The following CLSTN3 variants were observed in gnomAD, a reference collection of about 807,000 sequenced individuals.
CLSTN3 encodes calsyntenin-3.
In CLSTN3, 36 loss-of-function variants were observed where a neutral mutation model predicts 95.9. The ratio of observed to expected loss-of-function variants is 0.38; its 90% CI spans 0.29 to 0.50. The LOEUF is 0.50. Ranked by LOEUF, CLSTN3 falls within the 20% of genes least tolerant of loss-of-function variation. The pLI, the probability that CLSTN3 is intolerant of heterozygous loss-of-function variation, is 0.95. For synonymous variants in CLSTN3, 481 were observed against 504.0 expected (o/e 0.95, Z 0.61); for missense variants, 1,084 against 1,268.8 (o/e 0.85, Z 2.21).
In CLSTN3 at chr12:7,143,777, G is replaced by A. The variant is rs1180183592; in HGVS notation, c.1847+466G>A. Among the ~76,000 whole-genome samples, 5 of 152,158 alleles carry A rather than the reference G, an allele frequency of 3.3e-5. No individual in the cohort carries two copies. The East Asian group carries it at 5.8e-4, about 18-fold the overall frequency. ...CTAAGTCTGGGGGTTGGCAGTCCTAGGCCAAATCTGGCCTGCCCACCTGTT... is the reference window on the plus strand; with the variant it reads ...CTAAGTCTGGGGGTTGGCAGTCCTAAGCCAAATCTGGCCTGCCCACCTGTT... On this transcript the variant is annotated intron_variant, in intron 12 of 17. Coordinates refer to ENST00000266546, the MANE Select transcript of CLSTN3 (RefSeq NM_014718.4).
At chr12:7,144,025 A>C (rs919181295) in intron 12 of CLSTN3, among the ~76,000 whole-genome samples, 5 of 152,124 alleles carry the variant, frequency 3.3e-5, no homozygotes, top group Non-Finnish European at 5.9e-5. Flanking sequence ...CGAGGAGTTC[A>C]AGACCAGCCT....
At chr12:7,142,261 A>G in intron 10 of CLSTN3, 122 bp downstream of exon 10, 6 of 787,030 alleles carry the variant, frequency 7.6e-6, no homozygotes, top group Non-Finnish European at 1.0e-5. Context: ...CAGGGGGCAG[A>G]GCCTCCAAGA....
chr12:7,142,904 T>C lies in CLSTN3; in HGVS notation c.1576T>C (p.Tyr526His). 1.2e-6 allele frequency: 2 copies of C among 1,614,150 alleles called. No individual in the cohort carries two copies. Among genetic ancestry groups the C allele is most frequent in the South Asian group, 2.2e-5 (2 of 91,086 alleles). ...PLSIHHYFHG[Y>H]LAGFSVRSGR... is the part of the protein sequence containing the mutation. ...GTCGATCCACCACTACTTCCATGGC[T>C]ACCTGGCTGGTTTCAGCGTGCGCTC... Residue 526 changes from tyrosine (Y) to histidine (H), a missense_variant, in exon 11 of 18, where the codon TAC (tyrosine) becomes CAC (histidine). Coordinates refer to ENST00000266546, the MANE Select transcript of CLSTN3 (RefSeq NM_014718.4).
Position 7,133,534 on chromosome 12 carries a change from A to G in CLSTN3, c.188-39A>G. 1 of 1,601,190 alleles carries G rather than the reference A, an allele frequency of 6.2e-7. No individual in the cohort carries two copies. Among genetic ancestry groups the G allele is most frequent in the South Asian group, 1.1e-5 (1 of 90,696 alleles). ...GGGGAGACTGAGGGTGGGGAAGGAGACACAGCAGCCTCACTCCTCCCCTTC... is the reference window on the plus strand; with the variant it reads ...GGGGAGACTGAGGGTGGGGAAGGAGGCACAGCAGCCTCACTCCTCCCCTTC... On this transcript the variant is annotated intron_variant, in intron 2 of 17. Coordinates refer to ENST00000266546, the MANE Select transcript of CLSTN3 (RefSeq NM_014718.4). The surrounding 1 kb of genome is among the most constrained non-coding windows in gnomAD (Gnocchi z 4.7).
At chr12:7,130,309 C>CA (rs1448148255), upstream of CLSTN3, 5 of 914,252 alleles carry the variant, frequency 5.5e-6, no homozygotes, top group East Asian at 5.0e-5. Flanking sequence ...CTGGTCCCCC[C>CA]CCCTCCCAGT....
intron 12 of CLSTN3, among the ~76,000 whole-genome samples, chr12:7,145,517 T>G (rs1939609465): frequency 6.6e-6 from 1 of 152,212 alleles, no homozygotes; most frequent in Non-Finnish European, 1.5e-5. Flanking sequence ...AAAGCCAGAT[T>G]TATGCAACTA....
intron 8 of CLSTN3, chr12:7,138,811 G>A (rs1939475397): frequency 7.0e-6 from 1 of 143,384 alleles, no homozygotes; most frequent in Admixed American, 7.1e-5. Context: ...CTGGTGGAGT[G>A]GCTGAGTAAG....
intron 1 of CLSTN3, among the ~76,000 whole-genome samples, chr12:7,131,564 C>G (rs755956681): frequency 6.6e-6 from 1 of 152,006 alleles, no homozygotes; most frequent in African/African-American, 2.4e-5. Flanking sequence ...CAAGGAGGAG[C>G]CCGGGAGCCT....
Position 7,143,224 on chromosome 12 carries a change from A to C in CLSTN3, c.1760A>C (p.Asn587Thr), listed in dbSNP as rs369881117. ...GAGGGGGATGATGTGGAGACCTTCAACCATGCCCTGCAGCATGTGGCTTAC... is the reference window on the plus strand; with the variant it reads ...GAGGGGGATGATGTGGAGACCTTCACCCATGCCCTGCAGCATGTGGCTTAC... ...TLEGDDVETF[N>T]HALQHVAYMN... The change falls in exon 12 of 18, where the codon AAC (asparagine) becomes ACC (threonine). Residue 587 changes from asparagine (N) to threonine (T), a missense_variant. Transcript: ENST00000266546. 64 of 1,613,906 alleles carry C rather than the reference A, an allele frequency of 4.0e-5. No homozygotes were observed. In the African/African-American group the frequency reaches 8.0e-4, roughly 20 times the overall value.
chr12:7,142,757 T>G, intron 10 of CLSTN3, 112 bp from the exon 11 acceptor site: 1 of 985,794 alleles, frequency 1.0e-6, no homozygotes, highest in Non-Finnish European at 1.5e-6. Context: ...TTCTCCTTTT[T>G]TTCTTTCTCA....
In CLSTN3 at chr12:7,150,966, C is replaced by T; in HGVS notation, c.2430C>T (p.Pro810=). Residue 810 remains proline (P), a synonymous_variant, in exon 16 of 18, where the codon CCC becomes CCT. Transcript: ENST00000266546. This position sits in a 1 kb window ranked among gnomAD's most constrained non-coding sequence, Gnocchi z 4.0. ...ACAGCATGAACCGGGTTGCCCACCC[C>T]AGCCACGTGCTCAGCTCCCAGCAGT... ...VLHSMNRVAH[P]SHVLSSQQFL... is the part of the protein sequence containing the mutation. 1 of 1,612,532 alleles carries T rather than the reference C, an allele frequency of 6.2e-7. No individual in the cohort carries two copies. The highest frequency in any genetic ancestry group is 8.5e-7 in the Non-Finnish European group (1 of 1,179,038).
Position 7,133,866 on chromosome 12 carries a change from C to A in CLSTN3, c.383+98C>A. 1 of 981,434 alleles carries A rather than the reference C, an allele frequency of 1.0e-6. No homozygotes were observed. Among genetic ancestry groups the A allele is most frequent in the Non-Finnish European group, 1.5e-6 (1 of 668,288 alleles). The allele number at this position is 981,434 out of a possible 1,614,324, so 60.8% of individuals were successfully genotyped here. On this transcript the variant is annotated intron_variant, in intron 3 of 17. Transcript: ENST00000266546. This position sits in a 1 kb window ranked among gnomAD's most constrained non-coding sequence, Gnocchi z 4.7. ...GTCCGTGCGGTCATCGAATATCCAC[C>A]CCCACCCGCTGCTGTTCCTAGGACT...
chr12:7,153,725 C>T (rs1015331924), intron 16 of CLSTN3, among the ~76,000 whole-genome samples: 2 of 152,162 alleles, frequency 1.3e-5, no homozygotes, highest in African/African-American at 2.4e-5. Context: ...GATACTAGGT[C>T]CTGCTACTCT....
At chr12:7,140,737 C>T (rs1229007830) in intron 8 of CLSTN3, among the ~76,000 whole-genome samples, 4 of 152,110 alleles carry the variant, frequency 2.6e-5, no homozygotes, top group Non-Finnish European at 4.4e-5. Context: ...AGTGATAGCT[C>T]ATCTCTAAAA....
chr12:7,156,331 T>C (rs1184917487), intron 16 of CLSTN3: 1 of 457,008 alleles, frequency 2.2e-6, no homozygotes, highest in Non-Finnish European at 4.4e-6. Context: ...TTGTGCTTCT[T>C]CGAGAGCTGT....
Position 7,158,244 on chromosome 12 carries a change from G to A in CLSTN3, c.*163G>A, listed in dbSNP as rs1939857935. On this transcript the variant is annotated 3_prime_UTR_variant, in exon 18 of 18. Transcript: ENST00000266546. ...AACCCCAGCGGGCCCTCTGGAGTCC[G>A]CCCTGCCCCTCCCCCGGCCCCCCAT... The A allele has an allele frequency of 1.8e-5, 14 of 791,090 alleles. No individual in the cohort carries two copies. In the South Asian group the frequency reaches 2.0e-4, roughly 11 times the overall value. 49.0% of individuals were successfully genotyped at this position (791,090 alleles called of 1,614,324 possible).
chr12:7,150,824 G>A lies in CLSTN3; in HGVS notation c.2392-104G>A, dbSNP rs1255960434. On this transcript the variant is annotated intron_variant, in intron 15 of 17. Coordinates refer to ENST00000266546, the MANE Select transcript of CLSTN3 (RefSeq NM_014718.4). The surrounding 1 kb of genome is among the most constrained non-coding windows in gnomAD (Gnocchi z 4.0). ...CTGCTGGACCTTGCAGTGGGTGGAG[G>A]AGAAGGAGATGGGGGCAGTAGTTAG... 5.0e-5 allele frequency: 77 copies of A among 1,546,954 alleles called. No individual in the cohort carries two copies. The highest frequency in any genetic ancestry group is 6.7e-5 in the Non-Finnish European group (76 of 1,138,482).
chr12:7,156,417 G>T, intron 16 of CLSTN3: 1 of 456,884 alleles, frequency 2.2e-6, no homozygotes, highest in Middle Eastern at 3.2e-4. Context: ...CACGTCTGTA[G>T]TGTCTATGTC....
rs1219102621 is a variant in CLSTN3, at chr12:7,143,035, C to T, written c.1698+9C>T. On this transcript the variant is annotated intron_variant, in intron 11 of 17. Coordinates refer to ENST00000266546, the MANE Select transcript of CLSTN3 (RefSeq NM_014718.4). ...TGGGCAAAGGCATGAAGGTATTGCC[C>T]CATCCTCTAGCCCTGTTCTTCCCAG... 1 of 1,611,256 alleles carries T rather than the reference C, an allele frequency of 6.2e-7. No homozygotes were observed. The highest frequency in any genetic ancestry group is 8.5e-7 in the Non-Finnish European group (1 of 1,178,398).
Sources: allele counts gnomAD v4.1 joint callset (sites outside exome capture counted in the v4.1 genomes callset), GRCh38; gene constraint gnomAD v4.1.1; non-coding constraint Gnocchi (gnomAD v3.1); transcripts MANE v1.5; gene names NCBI Gene and HGNC (gene_info 2026-07-23, HGNC 2026-07-21).